Variants in SLC16A1 observed in about 807,000 individuals in gnomAD.
SLC16A1 encodes the protein monocarboxylate transporter 1.
Under a neutral mutation model 32.2 loss-of-function variants are expected in SLC16A1, and 11 were observed. The observed-to-expected ratio is 0.34, with a 90% CI of 0.21 to 0.56. The LOEUF is 0.56. Ranked by LOEUF, SLC16A1 falls within the 20% of genes least tolerant of loss-of-function variation. The probability of loss-of-function intolerance (pLI) is 0.87; values close to 1 mark genes in which losing one functional copy is unlikely to be tolerated. For synonymous variants in SLC16A1, 231 were observed against 226.8 expected (o/e 1.02, Z -0.17); for missense variants, 435 against 615.0 (o/e 0.71, Z 3.10).
chr1:112,922,051 C>G lies in SLC16A1; in HGVS notation c.300G>C (p.Leu100Phe). The change falls in exon 3 of 5, where the codon TTG becomes TTC. Residue 100 changes from leucine to phenylalanine, a missense_variant. By Grantham distance (22) the Leu-to-Phe change is conservative (BLOSUM62 0). This residue lies in a region of SLC16A1 where 324 missense variants were observed against 500.3 expected (regional missense o/e 0.65). Coordinates refer to ENST00000369626, the MANE Select transcript of SLC16A1 (RefSeq NM_003051.4). ...CGGTGTTACAGAAAGAAGCTGCAAT[C>G]AAGCCACAGCCTGACAAGCAGCCAC... The part of the protein sequence containing the change: ...IVGGCLSGCG[L>F]IAASFCNTVQ... 1 of 1,614,102 alleles carries G rather than the reference C, an allele frequency of 6.2e-7. No homozygotes were observed. The highest frequency in any genetic ancestry group is 8.5e-7 in the Non-Finnish European group (1 of 1,180,024).
chr1:112,955,470 G>A (rs1051247521), intron 1 of SLC16A1: 4 of 152,228 alleles, frequency 2.6e-5, no homozygotes, highest in Admixed American at 1.3e-4. Flanking sequence ...AAGTCTACTC[G>A]AACCCTGCAG....
Position 112,913,880 on chromosome 1 carries a change from GC to G in SLC16A1, c.*10del. 6 of 1,614,070 alleles carry G rather than the reference GC, an allele frequency of 3.7e-6. No homozygotes were observed. Among genetic ancestry groups the G allele is most frequent in the Non-Finnish European group, 5.1e-6 (6 of 1,179,988 alleles). ...CATGAACTGCTCAATTTACCCTTCA[GC>G]CCCATGGATTCAGACTGGACTTTCC... On this transcript the variant is annotated 3_prime_UTR_variant, in exon 5 of 5. Coordinates refer to ENST00000369626, the MANE Select transcript of SLC16A1 (RefSeq NM_003051.4).
At chr1:112,920,547 A>G (rs1648685912) in intron 3 of SLC16A1, among the ~76,000 whole-genome samples, 1 of 152,206 alleles carries the variant, frequency 6.6e-6, no homozygotes, top group Non-Finnish European at 1.5e-5. Context: ...CGGAGATTGC[A>G]GTGAGCCGAG....
intron 3 of SLC16A1, among the ~76,000 whole-genome samples, chr1:112,921,239 C>T (rs1421971348): frequency 6.6e-6 from 1 of 151,968 alleles, no homozygotes; most frequent in Non-Finnish European, 1.5e-5. Context: ...AGGCAATATC[C>T]CATTGTTGAC....
intron 1 of SLC16A1, among the ~76,000 whole-genome samples, chr1:112,938,187 A>G (rs2101642252): frequency 6.6e-6 from 1 of 152,334 alleles, no homozygotes; most frequent in Non-Finnish European, 1.5e-5. Context: ...ATCTAAAACC[A>G]ATAACCTTAA....
rs745886924 is a variant in SLC16A1, at chr1:112,929,200, G to C, written c.109C>G (p.Pro37Ala). The C allele has an allele frequency of 1.2e-6, 2 of 1,613,908 alleles. No homozygotes were observed. The highest frequency in any genetic ancestry group is 1.7e-6 in the Non-Finnish European group (2 of 1,180,002). Residue 37 changes from proline to alanine, a missense_variant, in exon 2 of 5, where the codon CCC (proline) becomes GCC (alanine). By Grantham distance (27) the Pro-to-Ala change is conservative. Transcript: ENST00000369626. ...FISIGFSYAF[P>A]KSITVFFKEI... ...TTGAAGAAGACAGTAATTGATTTGG[G>C]AAATGCATAAGAGAAGCCGATGGAA...
chr1:112,938,641 T>C (rs540560242), intron 1 of SLC16A1, among the ~76,000 whole-genome samples: 3 of 152,286 alleles, frequency 2.0e-5, no homozygotes, highest in African/African-American at 7.2e-5. Context: ...GAAAATCCTA[T>C]CCACATTACA....
chr1:112,924,216 T>A (rs1464665642), intron 2 of SLC16A1: 12 of 1,518,066 alleles, frequency 7.9e-6, no homozygotes, highest in Non-Finnish European at 1.0e-5. Flanking sequence ...CCTGGGCATG[T>A]CCAGCTTGGA....
intron 1 of SLC16A1, among the ~76,000 whole-genome samples, chr1:112,941,336 C>G (rs1307919428): frequency 7.1e-6 from 1 of 140,520 alleles, no homozygotes; most frequent in South Asian, 2.2e-4. Context: ...GGCTGGAGTG[C>G]GATGGTACGA....
Position 112,913,757 on chromosome 1 carries a change from A to G in SLC16A1, c.*134T>C. 1.8e-6 allele frequency: 2 copies of G among 1,133,754 alleles called. No homozygotes were observed. Among genetic ancestry groups the G allele is most frequent in the Non-Finnish European group, 2.6e-6 (2 of 759,684 alleles). The allele number at this position is 1,133,754 out of a possible 1,614,324, so 70.2% of individuals were successfully genotyped here. On this transcript the variant is annotated 3_prime_UTR_variant, in exon 5 of 5. Coordinates refer to ENST00000369626, the MANE Select transcript of SLC16A1 (RefSeq NM_003051.4). ...AAGGAGTCAAACAAAAATCCCATCAATGAACAACTGGTATGATTTCCACAC... is the reference window on the plus strand; with the variant it reads ...AAGGAGTCAAACAAAAATCCCATCAGTGAACAACTGGTATGATTTCCACAC...
At chr1:112,924,214 T>A in intron 2 of SLC16A1, 1 of 1,518,160 alleles carries the variant, frequency 6.6e-7, no homozygotes. Flanking sequence ...ATCCTGGGCA[T>A]GTCCAGCTTG....
chr1:112,929,273 G>A lies in SLC16A1; in HGVS notation c.36C>T (p.Thr12=), dbSNP rs878973204. ...CCCAGCCCCAGCCTCCATCTGGGGG[G>A]GTGTATCCAACTGGACCTCCAACTG... ...PPAVGGPVGY[T]PPDGGWGWAV... The change falls in exon 2 of 5, where the codon ACC becomes ACT. Residue 12 remains threonine, a synonymous_variant. Coordinates refer to ENST00000369626, the MANE Select transcript of SLC16A1 (RefSeq NM_003051.4). The A allele has an allele frequency of 1.9e-6, 3 of 1,613,858 alleles. No homozygotes were observed. Among genetic ancestry groups the A allele is most frequent in the African/African-American group, 2.7e-5 (2 of 74,864 alleles).
At chr1:112,921,962 G>A (rs1648750120) in intron 3 of SLC16A1, 28 bp downstream of exon 3, 1 of 1,613,432 alleles carries the variant, frequency 6.2e-7, no homozygotes. Flanking sequence ...ATAAACTAAT[G>A]CTTCCAAATG....
At chr1:112,924,109 C>A in intron 2 of SLC16A1, 1 of 1,351,544 alleles carries the variant, frequency 7.4e-7, no homozygotes, top group Non-Finnish European at 1.1e-6. Context: ...GCCCTGCAGG[C>A]CGCGTATGGC....
chr1:112,937,819 A>T (rs973860327), intron 1 of SLC16A1, among the ~76,000 whole-genome samples: 1 of 152,218 alleles, frequency 6.6e-6, no homozygotes, highest in African/African-American at 2.4e-5. Context: ...GGAGACTAAA[A>T]AACAAAGTGA....
intron 2 of SLC16A1, 88 bp downstream of exon 2, chr1:112,929,004 A>C: frequency 1.1e-6 from 1 of 910,962 alleles, no homozygotes; most frequent in Non-Finnish European, 1.7e-6. Flanking sequence ...TCACTGAATA[A>C]GACTTTTTTT....
At chr1:112,942,270 C>T (rs1042462031) in intron 1 of SLC16A1, among the ~76,000 whole-genome samples, 1 of 152,208 alleles carries the variant, frequency 6.6e-6, no homozygotes, top group African/African-American at 2.4e-5. Flanking sequence ...CTGTGCCAGG[C>T]CAGTATGACA....
chr1:112,955,146 A>G (rs1650029793), intron 1 of SLC16A1: 1 of 152,242 alleles, frequency 6.6e-6, no homozygotes, highest in Admixed American at 6.5e-5. Flanking sequence ...GAAAGACTAA[A>G]GTAGTAACAA....
intron 1 of SLC16A1, among the ~76,000 whole-genome samples, chr1:112,949,931 A>C (rs186380509): frequency 5.7e-4 from 87 of 152,344 alleles, no homozygotes; most frequent in Non-Finnish European, 9.7e-4. Flanking sequence ...AAAAAATAAA[A>C]TAAGATCCAG....
Sources: allele counts gnomAD v4.1 joint callset (sites outside exome capture counted in the v4.1 genomes callset), GRCh38; gene constraint gnomAD v4.1.1; regional missense constraint gnomAD v4.1.1; transcripts MANE v1.5; gene names NCBI Gene and HGNC (gene_info 2026-07-23, HGNC 2026-07-21).